The following UGT1A8 variants were observed in gnomAD, a reference collection of about 807,000 sequenced individuals.
UGT1A8 encodes the protein UDP-glucuronosyltransferase 1A8.
A neutral mutation model predicts 45.3 loss-of-function variants in UGT1A8; 39 were observed. The observed-to-expected ratio is 0.86, with a 90% confidence interval of 0.67 to 1.12. UGT1A8 has a LOEUF of 1.12. UGT1A8 is among the 50% of genes most tolerant of loss of function. The pLI, the probability that UGT1A8 is intolerant of heterozygous loss-of-function variation, is 0.00. For missense variants in UGT1A8, 719 were observed against 664.9 expected, an observed-to-expected ratio of 1.08 and a Z score of -0.90; for synonymous variants, 275 against 249.2, an observed-to-expected ratio of 1.10 and a Z score of -0.97.
intron 1 of UGT1A8, among the ~76,000 whole-genome samples, chr2:233,644,319 G>C (rs2073543336): frequency 1.3e-5 from 2 of 152,312 alleles, no homozygotes; most frequent in South Asian, 4.1e-4. Context: ...TGTAATCCCA[G>C]CACTTAGGGA....
intron 1 of UGT1A8, chr2:233,681,770 C>A: frequency 1.1e-6 from 1 of 933,652 alleles, no homozygotes; most frequent in Non-Finnish European, 1.3e-6. Context: ...GCAAAGGCTA[C>A]TCATGTATTA....
chr2:233,662,228 A>ATT, intron 1 of UGT1A8, among the ~76,000 whole-genome samples: 1 of 152,236 alleles, frequency 6.6e-6, no homozygotes, highest in Admixed American at 6.5e-5. Flanking sequence ...ATTTGTGTCT[A>ATT]TAATATGGTA....
At chr2:233,724,728 C>A (rs2077301361) in intron 1 of UGT1A8, among the ~76,000 whole-genome samples, 1 of 144,340 alleles carries the variant, frequency 6.9e-6, no homozygotes, top group Non-Finnish European at 1.5e-5. Context: ...GGCAGCCAGG[C>A]AGAGGGGCTC....
chr2:233,721,917 A>C (rs2076979949), intron 1 of UGT1A8: 1 of 410,562 alleles, frequency 2.4e-6, no homozygotes, highest in Admixed American at 2.7e-5. Flanking sequence ...CACTGCTTCC[A>C]TAAAGTGACA....
At chr2:233,627,721 T>C (rs1294079140) in intron 1 of UGT1A8, among the ~76,000 whole-genome samples, 3 of 150,950 alleles carry the variant, frequency 2.0e-5, no homozygotes, top group Admixed American at 6.7e-5. Context: ...CTAGCTTCAT[T>C]TATTTTGAAA....
In UGT1A8 at chr2:233,636,556, T is replaced by C. The variant is rs1316424251; in HGVS notation, c.855+17994T>C. 4 of 1,613,946 alleles carry C rather than the reference T, an allele frequency of 2.5e-6. No individual in the cohort carries two copies. In the African/African-American group the frequency reaches 4.0e-5, roughly 16 times the overall value. The stretch of plus-strand genomic sequence containing the variant: ...CGCAGGGTGGACCAGCCCCGTTCCT[T>C]TATGTGTGTGTCTACTGCTGACCTG... On this transcript the variant is annotated intron_variant, in intron 1 of 4. Transcript: ENST00000373450.
intron 1 of UGT1A8, among the ~76,000 whole-genome samples, chr2:233,745,884 T>C (rs1158721424): frequency 1.3e-5 from 2 of 150,192 alleles, no homozygotes; most frequent in East Asian, 2.0e-4. Flanking sequence ...GAAGTGTTGG[T>C]GGGGTGGCGT....
intron 1 of UGT1A8, among the ~76,000 whole-genome samples, chr2:233,688,187 G>A (rs947361033): frequency 3.3e-5 from 5 of 152,142 alleles, no homozygotes; most frequent in African/African-American, 9.7e-5. Flanking sequence ...AAGCCTTTAT[G>A]ACCGGCTTCT....
chr2:233,728,187 T>G (rs1430038112), intron 1 of UGT1A8, among the ~76,000 whole-genome samples: 5 of 152,222 alleles, frequency 3.3e-5, no homozygotes, highest in Non-Finnish European at 7.3e-5. Flanking sequence ...TATCAGAACT[T>G]GGTGCTGGAT....
intron 1 of UGT1A8, among the ~76,000 whole-genome samples, chr2:233,674,153 TGGTAACACAGTC>T (rs2074275216): frequency 6.6e-6 from 1 of 152,178 alleles, no homozygotes; most frequent in Admixed American, 6.5e-5. Flanking sequence ...TCAGTAGACT[TGGTAACACAGTC>T]ATATTCTCTC....
chr2:233,627,655 T>C (rs2073111538), intron 1 of UGT1A8, among the ~76,000 whole-genome samples: 1 of 149,106 alleles, frequency 6.7e-6, no homozygotes, highest in African/African-American at 2.5e-5. Context: ...CTTCCTTCCT[T>C]CCTTCCTTCC....
chr2:233,673,180 A>G (rs555192366), intron 1 of UGT1A8, among the ~76,000 whole-genome samples: 22 of 152,340 alleles, frequency 1.4e-4, no homozygotes, highest in African/African-American at 4.8e-4. Context: ...TATATACAAT[A>G]TCTAATGTAA....
intron 1 of UGT1A8, chr2:233,729,245 A>C (rs548939333): frequency 5.1e-5 from 82 of 1,614,188 alleles, no homozygotes; most frequent in South Asian, 2.9e-4. Context: ...GATGGCAGCC[A>C]CTGGCTCAGC....
rs1353214227 is a variant in UGT1A8, at chr2:233,636,898, A to G, written c.855+18336A>G. The stretch of plus-strand genomic sequence containing the variant: ...TGACTTATTTTTTTCGCATTGCAGG[A>G]GTTTGTTTAATGACCGAAAATTAGT... On this transcript the variant is annotated intron_variant, in intron 1 of 4. Transcript: ENST00000373450. The G allele has an allele frequency of 1.9e-6, 3 of 1,613,940 alleles. No homozygotes were observed. In the African/African-American group the frequency reaches 4.0e-5, roughly 22 times the overall value.
intron 1 of UGT1A8, chr2:233,755,289 T>C (rs1695843329): frequency 6.1e-6 from 4 of 651,342 alleles, no homozygotes; most frequent in Non-Finnish European, 9.5e-6. Context: ...CCAAAGAGCC[T>C]GCGGGGCACT....
chr2:233,619,627 C>T (rs1647296601), intron 1 of UGT1A8, among the ~76,000 whole-genome samples: 1 of 152,038 alleles, frequency 6.6e-6, no homozygotes, highest in Admixed American at 6.5e-5. Context: ...TTGTTATTAA[C>T]ATTTATTCCT....
intron 1 of UGT1A8, among the ~76,000 whole-genome samples, chr2:233,626,561 T>C (rs767268402): frequency 6.6e-6 from 1 of 152,088 alleles, no homozygotes; most frequent in Non-Finnish European, 1.5e-5. Context: ...TGGTCACAGT[T>C]TTCTCCAGAA....
intron 1 of UGT1A8, among the ~76,000 whole-genome samples, chr2:233,658,972 C>G (rs1331673713): frequency 6.6e-6 from 1 of 151,864 alleles, no homozygotes; most frequent in African/African-American, 2.4e-5. Flanking sequence ...TGCCAATTTG[C>G]ACAAAAAAAA....
At chr2:233,659,252 A>G (rs1362253833) in intron 1 of UGT1A8, among the ~76,000 whole-genome samples, 2 of 152,144 alleles carry the variant, frequency 1.3e-5, no homozygotes, top group Non-Finnish European at 2.9e-5. Context: ...GAGATTAGGG[A>G]TACCAACCTC....
Sources: allele counts gnomAD v4.1 joint callset (sites outside exome capture counted in the v4.1 genomes callset), GRCh38; gene constraint gnomAD v4.1.1; transcripts MANE v1.5; gene names NCBI Gene and HGNC (gene_info 2026-07-23, HGNC 2026-07-21).